GRM7: variants seen among roughly 807,000 people sequenced by gnomAD.
GRM7 encodes metabotropic glutamate receptor 7.
Under a neutral mutation model 84.5 loss-of-function variants are expected in GRM7, and 35 were observed. The ratio of observed to expected loss-of-function variants is 0.41; its 90% CI spans 0.32 to 0.55. GRM7 has a LOEUF of 0.55. GRM7 is among the 20% of genes least tolerant of loss of function. The probability of loss-of-function intolerance (pLI) is 0.19; values close to 1 mark genes in which losing one functional copy is unlikely to be tolerated. For synonymous variants in GRM7, 487 were observed against 455.1 expected (o/e 1.07, Z -0.89); for missense variants, 1,003 against 1,194.6 (o/e 0.84, Z 2.36).
intron 8 of GRM7, among the ~76,000 whole-genome samples, chr3:7,595,306 G>A (rs1030840234): frequency 6.6e-5 from 10 of 152,176 alleles, no homozygotes; most frequent in African/African-American, 1.7e-4. Context: ...GTCATGAAAG[G>A]CTTCAGTGAG....
At chr3:7,300,272 A>G (rs1442634915) in intron 3 of GRM7, among the ~76,000 whole-genome samples, 1 of 152,198 alleles carries the variant, frequency 6.6e-6, no homozygotes, top group Non-Finnish European at 1.5e-5. Context: ...TGTCTTTACC[A>G]CCAGCGTCTC....
intron 1 of GRM7, among the ~76,000 whole-genome samples, chr3:6,899,426 T>C (rs1190894629): frequency 6.6e-6 from 1 of 152,118 alleles, no homozygotes; most frequent in African/African-American, 2.4e-5. Flanking sequence ...TAAGCATAAA[T>C]AGGTTGAGGA....
intron 2 of GRM7, among the ~76,000 whole-genome samples, chr3:7,263,457 T>A (rs1394010865): frequency 2.0e-5 from 3 of 152,060 alleles, no homozygotes; most frequent in Non-Finnish European, 4.4e-5. Context: ...TCATTGGCTG[T>A]GACAGGGTGC....
chr3:7,430,120 A>G (rs1467337096), intron 5 of GRM7, among the ~76,000 whole-genome samples: 1 of 152,224 alleles, frequency 6.6e-6, no homozygotes, highest in East Asian at 1.9e-4. Flanking sequence ...CCTTATCTCA[A>G]ATAAATAAGT....
At chr3:6,883,274 T>C (rs1198198963) in intron 1 of GRM7, among the ~76,000 whole-genome samples, 2 of 151,848 alleles carry the variant, frequency 1.3e-5, no homozygotes, top group Non-Finnish European at 2.9e-5. Flanking sequence ...TTATATATTA[T>C]AATGTTTATT....
chr3:7,463,887 G>A (rs1465802833), intron 7 of GRM7, among the ~76,000 whole-genome samples: 3 of 152,210 alleles, frequency 2.0e-5, no homozygotes, highest in Non-Finnish European at 4.4e-5. Context: ...GCAAGGAAGT[G>A]AGGGAGTGGC....
rs191635153 is a variant in GRM7 at position 7,164,228 on chromosome 3, A to C, written c.736+17560A>C. The stretch of plus-strand genomic sequence containing the variant: ...ACAAAAATTAGCCAGGTGTGATGGC[A>C]TGAGCCTGTAGTCCCAGCTACTTGG... On this transcript the variant is annotated intron_variant, in intron 2 of 9. Transcript: ENST00000357716. Among the ~76,000 whole-genome samples, 8 of 152,168 alleles carry C rather than the reference A, an allele frequency of 5.3e-5. No homozygotes were observed. In the East Asian group the frequency reaches 1.5e-3, roughly 29 times the overall value.
chr3:7,549,135 G>A (rs886846617), intron 7 of GRM7, among the ~76,000 whole-genome samples: 1 of 152,118 alleles, frequency 6.6e-6, no homozygotes, highest in Non-Finnish European at 1.5e-5. Flanking sequence ...TTTTACAAAT[G>A]TTATGAGTCA....
At chr3:7,326,906 T>C (rs1169979562) in intron 4 of GRM7, among the ~76,000 whole-genome samples, 1 of 152,076 alleles carries the variant, frequency 6.6e-6, no homozygotes, top group Non-Finnish European at 1.5e-5. Context: ...TCCTTAAAGA[T>C]ACCTGTATTT....
intron 7 of GRM7, among the ~76,000 whole-genome samples, chr3:7,532,468 C>A (rs1013744465): frequency 6.8e-4 from 104 of 151,874 alleles, no homozygotes; most frequent in African/African-American, 2.4e-3. Flanking sequence ...GTGGTGATAC[C>A]CCCTTTATTA....
At chr3:7,357,584 C>T (rs1693466774) in intron 4 of GRM7, among the ~76,000 whole-genome samples, 1 of 152,002 alleles carries the variant, frequency 6.6e-6, no homozygotes, top group Admixed American at 6.6e-5. Context: ...TATTTTAAAA[C>T]AAAATCAGAA....
At chr3:7,602,035 A>G (rs890734915) in intron 8 of GRM7, among the ~76,000 whole-genome samples, 3 of 150,816 alleles carry the variant, frequency 2.0e-5, no homozygotes, top group Non-Finnish European at 1.5e-5. Flanking sequence ...TGAATGGCAC[A>G]ACAACTTTTC....
chr3:7,231,003 A>T, intron 2 of GRM7, among the ~76,000 whole-genome samples: 1 of 152,102 alleles, frequency 6.6e-6, no homozygotes, highest in East Asian at 1.9e-4. Flanking sequence ...CTGAAAAACC[A>T]CCTGCCCAAT....
chr3:7,063,338 C>T (rs1697499885), intron 1 of GRM7, among the ~76,000 whole-genome samples: 1 of 151,670 alleles, frequency 6.6e-6, no homozygotes. Flanking sequence ...AGAATTTGAG[C>T]TCACAGACTG....
At position 7,509,971 on chromosome 3, in the gene GRM7, AGC is replaced by A. The variant is rs1270689138; in HGVS notation, c.1515+48250_1515+48251del. Among the ~76,000 whole-genome samples the A allele has an allele frequency of 2.0e-5, 3 of 152,310 alleles. No homozygotes were observed. In the East Asian group the frequency reaches 5.8e-4, roughly 29 times the overall value. On this transcript the variant is annotated intron_variant, in intron 7 of 9. Transcript: ENST00000357716. ...CTAAACCTGGAAAACTTGGAACATA[AGC>A]CAGTGTTATCTGTAATATTTATTTG... is the stretch of plus-strand genomic sequence containing the variant.
At chr3:7,589,155 G>C (rs920521006) in intron 8 of GRM7, among the ~76,000 whole-genome samples, 7 of 152,224 alleles carry the variant, frequency 4.6e-5, no homozygotes, top group Non-Finnish European at 8.8e-5. Flanking sequence ...CTGCTGCCTG[G>C]TGTTACACCA....
intron 1 of GRM7, among the ~76,000 whole-genome samples, chr3:7,089,052 A>T (rs1340850835): frequency 6.6e-6 from 1 of 152,116 alleles, no homozygotes; most frequent in Non-Finnish European, 1.5e-5. Flanking sequence ...AAAGGTCTGG[A>T]CACTTCCCAT....
intron 4 of GRM7, among the ~76,000 whole-genome samples, chr3:7,360,653 A>C (rs569503105): frequency 1.6e-4 from 24 of 152,266 alleles, no homozygotes; most frequent in African/African-American, 5.8e-4. Context: ...ATTTCTCCAC[A>C]TAAATTAGCA....
rs113689746 is a variant in GRM7, at chr3:7,007,671, C to CTTA, written c.520-138776_520-138774dup. Among the ~76,000 whole-genome samples, 5 of 152,256 alleles carry CTTA rather than the reference C, an allele frequency of 3.3e-5. 2 individuals are homozygous for CTTA. Among genetic ancestry groups the CTTA allele is most frequent in the African/African-American group, 1.2e-4 (5 of 41,556 alleles). ...TGGAATATCTGGCTTGTATTTTCCT[C>CTTA]TTATTATAAATTTTCATTTATTTAT... is the stretch of plus-strand genomic sequence containing the variant. On this transcript the variant is annotated intron_variant, in intron 1 of 9. Coordinates refer to ENST00000357716, the MANE Select transcript of GRM7 (RefSeq NM_000844.4).
Sources: gnomAD v4.1 joint callset for allele counts (sites outside exome capture counted in the v4.1 genomes callset) on GRCh38, gnomAD v4.1.1 for gene constraint, MANE v1.5 for transcripts, NCBI Gene and HGNC (gene_info 2026-07-23, HGNC 2026-07-21) for gene names.